Variants in DLG2 observed in about 807,000 individuals in gnomAD.
DLG2 encodes discs large MAGUK scaffold protein 2, also known as disks large homolog 2.
Under a neutral mutation model 132.5 loss-of-function variants are expected in DLG2, and 45 were observed. The observed-to-expected ratio is 0.34, with a 90% CI of 0.27 to 0.44. The LOEUF is 0.44. Among genes scored for constraint, DLG2 ranks in the 20% least tolerant of loss-of-function variants. DLG2 has a pLI of 1.00. For missense variants in DLG2, 1,045 were observed against 1,196.9 expected (o/e 0.87, Z 1.87); for synonymous variants, 424 against 419.6 (o/e 1.01, Z -0.13).
At chr11:83,472,648 C>T (rs1192462844) in intron 23 of DLG2, 79 bp downstream of exon 23, 3 of 1,272,494 alleles carry the variant, frequency 2.4e-6, no homozygotes, top group Non-Finnish European at 2.3e-6. Flanking sequence ...TCTCCTTAGT[C>T]CTTCACTCTT....
chr11:83,675,585 C>T (rs1460801348), intron 18 of DLG2, among the ~76,000 whole-genome samples: 1 of 152,186 alleles, frequency 6.6e-6, no homozygotes, highest in Non-Finnish European at 1.5e-5. Context: ...GACTCCAAAT[C>T]TGTATCCACA....
intron 21 of DLG2, among the ~76,000 whole-genome samples, chr11:83,485,939 T>C (rs2093472872): frequency 6.6e-6 from 1 of 152,120 alleles, no homozygotes. Flanking sequence ...TAAGGTTTTA[T>C]GAAAAATAAT....
At position 85,087,460 on chromosome 11, in the gene DLG2, T is replaced by G. The variant is rs573464399; in HGVS notation, c.357+24201A>C. Among the ~76,000 whole-genome samples the G allele has an allele frequency of 5.3e-5, 8 of 152,330 alleles. No homozygotes were observed. In the East Asian group the frequency reaches 1.5e-3, roughly 29 times the overall value. On this transcript the variant is annotated intron_variant, in intron 6 of 27. Coordinates refer to ENST00000376104, the MANE Select transcript of DLG2 (RefSeq NM_001142699.3). ...GCCAAAGCCCTTAGGCAAGAAGCCC[T>G]TGAGTCTTCCAAAACTGAAAGAAAA...
chr11:84,423,165 T>C (rs1397916334), intron 7 of DLG2, among the ~76,000 whole-genome samples: 1 of 152,122 alleles, frequency 6.6e-6, no homozygotes, highest in African/African-American at 2.4e-5. Context: ...ATGAAAATTC[T>C]AGAAATGGAT....
intron 7 of DLG2, among the ~76,000 whole-genome samples, chr11:84,411,010 A>G (rs1386073062): frequency 6.6e-6 from 1 of 152,202 alleles, no homozygotes; most frequent in Admixed American, 6.5e-5. Flanking sequence ...CTAATTTCTA[A>G]AAATAAAATC....
At chr11:84,928,977 T>TGC in intron 6 of DLG2, among the ~76,000 whole-genome samples, 1 of 32,820 alleles carries the variant, frequency 3.0e-5, no homozygotes. Context: ...TGTGTGTGTG[T>TGC]GTGTGTATAT....
intron 19 of DLG2, among the ~76,000 whole-genome samples, chr11:83,593,839 T>C (rs1436399431): frequency 1.3e-5 from 2 of 151,902 alleles, no homozygotes; most frequent in African/African-American, 2.4e-5. Flanking sequence ...TTCTCACTGC[T>C]TGAAAAAAAA....
chr11:83,593,154 A>G lies in DLG2; in HGVS notation c.1940+40057T>C, dbSNP rs879522541. On this transcript the variant is annotated intron_variant, in intron 19 of 27. Transcript: ENST00000376104. ...CCATCCCATTACTGGGTATATACCC[A>G]AAGGACTATAAATCTTGCTGCTATA... is the stretch of plus-strand genomic sequence containing the variant. Among the ~76,000 whole-genome samples the G allele has an allele frequency of 3.4e-3, 478 of 141,012 alleles. 3 individuals are homozygous for G. Among genetic ancestry groups the G allele is most frequent in the Non-Finnish European group, 5.5e-3 (357 of 65,060 alleles). 92.5% of individuals were successfully genotyped at this position (141,012 alleles called of 152,430 possible).
At chr11:84,508,334 C>T (rs1476216173) in intron 7 of DLG2, among the ~76,000 whole-genome samples, 3 of 151,724 alleles carry the variant, frequency 2.0e-5, no homozygotes, top group African/African-American at 7.3e-5. Flanking sequence ...ATTCTCTCTC[C>T]AATATATTGT....
chr11:84,184,349 T>G (rs1408668547), intron 8 of DLG2, among the ~76,000 whole-genome samples: 1 of 152,140 alleles, frequency 6.6e-6, no homozygotes, highest in Admixed American at 6.5e-5. Context: ...TTTTTTCATG[T>G]GTCTTTTGGC....
At chr11:83,603,897 G>A (rs1281621537) in intron 19 of DLG2, among the ~76,000 whole-genome samples, 2 of 152,080 alleles carry the variant, frequency 1.3e-5, no homozygotes, top group Non-Finnish European at 2.9e-5. Context: ...AGCTATGCAA[G>A]TTGCAAATAT....
chr11:84,647,680 A>G (rs1335676746), intron 6 of DLG2, among the ~76,000 whole-genome samples: 1 of 152,214 alleles, frequency 6.6e-6, no homozygotes, highest in Non-Finnish European at 1.5e-5. Flanking sequence ...ATGTTCGTAG[A>G]TGACTTGCAG....
intron 7 of DLG2, among the ~76,000 whole-genome samples, chr11:84,393,443 T>G (rs1250607204): frequency 6.6e-6 from 1 of 152,192 alleles, no homozygotes; most frequent in Non-Finnish European, 1.5e-5. Context: ...GTTATGTTCT[T>G]GTTTTTCTTT....
At chr11:85,388,986 T>C (rs955915610) in intron 3 of DLG2, among the ~76,000 whole-genome samples, 2 of 152,006 alleles carry the variant, frequency 1.3e-5, no homozygotes, top group Non-Finnish European at 2.9e-5. Context: ...CAGCAATGGA[T>C]CCAAACCAAG....
intron 21 of DLG2, 76 bp downstream of exon 21, chr11:83,532,632 A>C (rs1171217138): frequency 6.2e-6 from 8 of 1,299,952 alleles, no homozygotes; most frequent in Non-Finnish European, 8.9e-6. Flanking sequence ...TTTGCTACTG[A>C]AAGCCTAAAT....
At chr11:85,406,898 C>G (rs977704712) in intron 3 of DLG2, among the ~76,000 whole-genome samples, 16 of 151,450 alleles carry the variant, frequency 1.1e-4, no homozygotes, top group Admixed American at 3.3e-4. Context: ...GGAGACAAGC[C>G]CAAGGGAAAT....
intron 3 of DLG2, among the ~76,000 whole-genome samples, chr11:85,562,464 G>A (rs1041188353): frequency 2.0e-5 from 3 of 151,498 alleles, no homozygotes; most frequent in African/African-American, 7.3e-5. Context: ...TCCTCAAAAC[G>A]AACTCCTTAA....
At chr11:84,418,594 A>G (rs1309650048) in intron 7 of DLG2, among the ~76,000 whole-genome samples, 1 of 152,112 alleles carries the variant, frequency 6.6e-6, no homozygotes, top group Non-Finnish European at 1.5e-5. Flanking sequence ...TTCTTGTCCA[A>G]ATGGTTTTTG....
Position 84,099,802 on chromosome 11 carries a change from G to GAT in DLG2, c.625-757_625-756dup, listed in dbSNP as rs200398289. On this transcript the variant is annotated intron_variant, in intron 9 of 27. Transcript: ENST00000376104. ...CGCTTTCTAAAGATATATATATAAG[G>GAT]ATATATATATCTAAAGAGATATATA... 3.4e-3 allele frequency among the ~76,000 whole-genome samples: 419 copies of GAT among 122,036 alleles called. 16 individuals carry two copies. The highest frequency in any genetic ancestry group is 0.015 in the African/African-American group (380 of 25,956). The allele number at this position is 122,036 out of a possible 152,430, so 80.1% of individuals were successfully genotyped here. A position where few individuals can be genotyped will look rare whatever the true frequency, so the allele number is the denominator to read the frequency against.
Sources: allele counts gnomAD v4.1 joint callset (sites outside exome capture counted in the v4.1 genomes callset), GRCh38; gene constraint gnomAD v4.1.1; transcripts MANE v1.5; gene names NCBI Gene and HGNC (gene_info 2026-07-23, HGNC 2026-07-21).